CNNM1: variants seen among roughly 807,000 people sequenced by gnomAD.
CNNM1 encodes the protein metal transporter CNNM1.
In CNNM1, 44 loss-of-function variants were observed where a neutral mutation model predicts 78.8. The ratio of observed to expected loss-of-function variants is 0.56; its 90% CI spans 0.44 to 0.72. CNNM1 has a LOEUF of 0.72. CNNM1 is among the 30% of genes least tolerant of loss of function. The pLI is 0.00. For missense variants in CNNM1, 1,101 were observed against 1,292.2 expected (o/e 0.85, Z 2.27); for synonymous variants, 584 against 581.5 (o/e 1.00, Z -0.06).
At chr10:99,363,930 A>T (rs537378581) in intron 4 of CNNM1, among the ~76,000 whole-genome samples, 1 of 151,956 alleles carries the variant, frequency 6.6e-6, no homozygotes, top group Non-Finnish European at 1.5e-5. Context: ...TGTTTAGTAG[A>T]GATGGGGTTT....
At chr10:99,344,108 G>A (rs554452023) in intron 1 of CNNM1, among the ~76,000 whole-genome samples, 6 of 150,754 alleles carry the variant, frequency 4.0e-5, no homozygotes, top group South Asian at 2.1e-4. Context: ...CAAAGTGGGC[G>A]GATCACCTGA....
intron 2 of CNNM1, among the ~76,000 whole-genome samples, chr10:99,360,631 C>G (rs2031396847): frequency 6.6e-6 from 1 of 152,136 alleles, no homozygotes; most frequent in African/African-American, 2.4e-5. Context: ...CTATACACCC[C>G]CTAAGTGTGG....
rs372555911 is a variant in CNNM1, at chr10:99,330,305, G to A, written c.918G>A (p.Pro306=). The A allele has an allele frequency of 1.3e-6, 2 of 1,588,702 alleles. No homozygotes were observed. Among genetic ancestry groups the A allele is most frequent in the African/African-American group, 1.3e-5 (1 of 74,498 alleles). The change falls in exon 1 of 11, where the codon CCG becomes CCA. Residue 306 remains proline (P), a synonymous_variant. Coordinates refer to ENST00000356713, the MANE Select transcript of CNNM1 (RefSeq NM_020348.3). ...CTGGCTGGCTGTACACCTCGCTGCC[G>A]CCGGGCTTCGGGGGCACCGGGGAAG... ...ALAGWLYTSL[P]PGFGGTGEDY... is the part of the protein sequence containing the mutation.
At position 99,377,191 on chromosome 10, in the gene CNNM1, C is replaced by T. The variant is rs1365190764; in HGVS notation, c.2313C>T (p.His771=). 7 of 1,613,758 alleles carry T rather than the reference C, an allele frequency of 4.3e-6. No homozygotes were observed. The highest frequency in any genetic ancestry group is 5.9e-6 in the Non-Finnish European group (7 of 1,179,846). The change falls in exon 7 of 11, where the codon CAC becomes CAT. Residue 771 remains histidine, a synonymous_variant. Coordinates refer to ENST00000356713, the MANE Select transcript of CNNM1 (RefSeq NM_020348.3). ...NNLYMPDYSV[H]ILSDVQFVKI... is the part of the protein sequence containing the mutation. ...TCTACATGCCTGACTACTCAGTCCACATCCTCAGCGATGTGCAGTTTGTGA... is the reference window on the plus strand; with the variant it reads ...TCTACATGCCTGACTACTCAGTCCATATCCTCAGCGATGTGCAGTTTGTGA...
Position 99,329,529 on chromosome 10 carries a change from G to A in CNNM1, c.142G>A (p.Glu48Lys). ...AAAWLLGLRPEDTAGGRVSLE... is the reference protein window; with the variant it reads ...AAAWLLGLRPKDTAGGRVSLE... Reference sequence around the variant, plus strand: ...CGCCTGGCTGCTGGGCCTGCGGCCCGAGGACACTGCTGGAGGCCGCGTGTC... The same window carrying A: ...CGCCTGGCTGCTGGGCCTGCGGCCCAAGGACACTGCTGGAGGCCGCGTGTC... Residue 48 changes from glutamate (E) to lysine (K), a missense_variant, in exon 1 of 11, where the codon GAG (glutamate) becomes AAG (lysine). By Grantham distance (56) the Glu-to-Lys change is moderately conservative. Around this residue, in one of 3 missense-constraint regions of CNNM1, gnomAD observed 476 missense variants for 484.5 expected, o/e 0.98. Coordinates refer to ENST00000356713, the MANE Select transcript of CNNM1 (RefSeq NM_020348.3). 1.3e-6 allele frequency: 2 copies of A among 1,513,962 alleles called. No homozygotes were observed. The highest frequency in any genetic ancestry group is 2.9e-5 in the African/African-American group (2 of 69,694). The allele number at this position is 1,513,962 out of a possible 1,614,324, so 93.8% of individuals were successfully genotyped here. A position where few individuals can be genotyped will look rare whatever the true frequency, so the allele number is the denominator to read the frequency against.
At chr10:99,377,820 A>G (rs988007269) in intron 7 of CNNM1, among the ~76,000 whole-genome samples, 10 of 152,176 alleles carry the variant, frequency 6.6e-5, no homozygotes, top group Admixed American at 2.6e-4. Context: ...ACCATGTGCA[A>G]TTGCCCAGGA....
chr10:99,354,625 A>C (rs567149804), intron 1 of CNNM1, among the ~76,000 whole-genome samples: 10 of 152,234 alleles, frequency 6.6e-5, no homozygotes, highest in Middle Eastern at 6.8e-3. Context: ...TGTAATAGAG[A>C]GGTTGGTTCA....
At chr10:99,370,125 A>G (rs531790080) in intron 6 of CNNM1, among the ~76,000 whole-genome samples, 34 of 152,302 alleles carry the variant, frequency 2.2e-4, no homozygotes, top group African/African-American at 8.2e-4. Context: ...TGATAACCCA[A>G]TGTCAGACAG....
At chr10:99,369,333 C>T (rs1439273710) in intron 6 of CNNM1, among the ~76,000 whole-genome samples, 1 of 152,178 alleles carries the variant, frequency 6.6e-6, no homozygotes, top group African/African-American at 2.4e-5. Context: ...CTCTTGGGCT[C>T]ATAGAGCAAG....
chr10:99,365,554 G>C (rs750620292), intron 6 of CNNM1, among the ~76,000 whole-genome samples: 1 of 152,212 alleles, frequency 6.6e-6, no homozygotes, highest in Non-Finnish European at 1.5e-5. Flanking sequence ...TGTTGGTGGG[G>C]GGCAGGCACA....
At chr10:99,363,798 G>A (rs2031517311) in intron 4 of CNNM1, among the ~76,000 whole-genome samples, 2 of 142,740 alleles carry the variant, frequency 1.4e-5, no homozygotes, top group East Asian at 4.1e-4. Flanking sequence ...AGGCTGGAGT[G>A]CAGTGGCCCG....
intron 6 of CNNM1, among the ~76,000 whole-genome samples, chr10:99,372,465 G>A (rs111676050): frequency 4.7e-4 from 71 of 152,282 alleles, no homozygotes; most frequent in Middle Eastern, 3.4e-3. Flanking sequence ...CCTGCTGACA[G>A]GTCCCGGGTT....
At chr10:99,383,607 G>C (rs2032221507) in intron 7 of CNNM1, among the ~76,000 whole-genome samples, 1 of 152,134 alleles carries the variant, frequency 6.6e-6, no homozygotes, top group African/African-American at 2.4e-5. Context: ...TGTACTTTAG[G>C]AGTTTGGAAA....
chr10:99,388,163 G>C lies in CNNM1; in HGVS notation c.2536G>C (p.Asp846His). 6 of 1,613,914 alleles carry C rather than the reference G, an allele frequency of 3.7e-6. No individual in the cohort carries two copies. The highest frequency in any genetic ancestry group is 5.1e-6 in the Non-Finnish European group (6 of 1,179,900). Residue 846 changes from aspartate (D) to histidine (H), a missense_variant, in exon 9 of 11, where the codon GAC becomes CAC. Transcript: ENST00000356713. Reference protein sequence around the residue: ...NRNSLPCSRSDGLRSPSEVVY... With the variant: ...NRNSLPCSRSHGLRSPSEVVY... ...ACTGTCCTCCCCAGGCAGCCGCTCA[G>C]ACGGGCTGAGAAGCCCCAGCGAGGT... is the stretch of plus-strand genomic sequence containing the variant.
At chr10:99,337,752 G>T (rs2134016085) in intron 1 of CNNM1, among the ~76,000 whole-genome samples, 1 of 152,294 alleles carries the variant, frequency 6.6e-6, no homozygotes, top group East Asian at 1.9e-4. Context: ...AGCTAACGAT[G>T]CATATGACAC....
chr10:99,385,534 G>A (rs2032281668), intron 7 of CNNM1, among the ~76,000 whole-genome samples: 1 of 152,204 alleles, frequency 6.6e-6, no homozygotes, highest in Non-Finnish European at 1.5e-5. Context: ...GAGATGGTAA[G>A]CTTGACAGCT....
intron 1 of CNNM1, among the ~76,000 whole-genome samples, chr10:99,352,525 CA>C (rs2030984806): frequency 6.6e-6 from 1 of 152,186 alleles, no homozygotes; most frequent in South Asian, 2.1e-4. Flanking sequence ...TCCTAACCAA[CA>C]TTTGTTATTA....
At chr10:99,347,909 C>G (rs2030771315) in intron 1 of CNNM1, among the ~76,000 whole-genome samples, 1 of 152,062 alleles carries the variant, frequency 6.6e-6, no homozygotes, top group African/African-American at 2.4e-5. Flanking sequence ...CCCCGTCTCC[C>G]TTCCCTAAAA....
At chr10:99,361,721 G>A (rs2031440773) in intron 3 of CNNM1, among the ~76,000 whole-genome samples, 1 of 152,102 alleles carries the variant, frequency 6.6e-6, no homozygotes, top group African/African-American at 2.4e-5. Context: ...ATAAGCAATA[G>A]CTGTAATATA....
Sources: gnomAD v4.1 joint callset for allele counts (sites outside exome capture counted in the v4.1 genomes callset) on GRCh38, gnomAD v4.1.1 for gene constraint, gnomAD v4.1.1 regional missense constraint, MANE v1.5 for transcripts, NCBI Gene and HGNC (gene_info 2026-07-23, HGNC 2026-07-21) for gene names.